Variants in RIN2 observed in about 807,000 individuals in gnomAD.
The protein encoded by RIN2 is Ras and Rab interactor 2.
Under a neutral mutation model 78.0 loss-of-function variants are expected in RIN2, and 36 were observed. The observed-to-expected ratio is 0.46, with a 90% CI of 0.35 to 0.61. The LOEUF is 0.61. RIN2 is among the 20% of genes least tolerant of loss of function. The pLI is 0.00. For synonymous variants in RIN2, 466 were observed against 466.8 expected (o/e 1.00, Z 0.02); for missense variants, 1,087 against 1,159.7 (o/e 0.94, Z 0.91).
chr20:19,983,590 T>G (rs2042528948), intron 9 of RIN2, among the ~76,000 whole-genome samples: 1 of 139,952 alleles, frequency 7.1e-6, no homozygotes, highest in Non-Finnish European at 1.7e-5. Flanking sequence ...CTATTTCTAC[T>G]ACTTTACCTT....
chr20:19,913,317 A>G (rs368271314), intron 3 of RIN2, among the ~76,000 whole-genome samples: 12 of 152,202 alleles, frequency 7.9e-5, no homozygotes, highest in African/African-American at 2.9e-4. Context: ...TAAGCTCACC[A>G]TTTTAAGCAC....
intron 4 of RIN2, among the ~76,000 whole-genome samples, chr20:19,954,058 A>G (rs1444079363): frequency 6.6e-6 from 1 of 152,210 alleles, no homozygotes; most frequent in Non-Finnish European, 1.5e-5. Context: ...GGTGATGGAG[A>G]GAAGTTAGGA....
At chr20:19,815,510 G>A (rs1453731503) in intron 2 of RIN2, among the ~76,000 whole-genome samples, 1 of 152,176 alleles carries the variant, frequency 6.6e-6, no homozygotes, top group African/African-American at 2.4e-5. Context: ...GCCATCAATA[G>A]ATTTCTTAGG....
At position 19,975,029 on chromosome 20, in the gene RIN2, C is replaced by G. The variant is rs200780805; in HGVS notation, c.1004C>G (p.Pro335Arg). Reference sequence around the variant, plus strand: ...AGGACTGAAACCCAGACGAGCATGCCAGAAACAGTCAACCATAACAAACAT... The same window carrying G: ...AGGACTGAAACCCAGACGAGCATGCGAGAAACAGTCAACCATAACAAACAT... Reference protein sequence around the residue: ...LARTETQTSMPETVNHNKHGN... With the variant: ...LARTETQTSMRETVNHNKHGN... The change falls in exon 9 of 13, where the codon CCA becomes CGA. Residue 335 changes from proline (P) to arginine (R), a missense_variant. This residue lies in a region of RIN2 where 706 missense variants were observed against 667.5 expected (regional missense o/e 1.06). Coordinates refer to ENST00000255006, the MANE Select transcript of RIN2 (RefSeq NM_018993.4). This position sits in a 1 kb window ranked among gnomAD's most constrained non-coding sequence, Gnocchi z 4.9. The G allele has an allele frequency of 1.1e-3, 1,838 of 1,613,490 alleles. 3 individuals are homozygous for G. Among genetic ancestry groups the G allele is most frequent in the Admixed American group, 2.6e-3 (158 of 60,026 alleles).
chr20:19,762,676 AGT>A (rs1163377321), intron 1 of RIN2, among the ~76,000 whole-genome samples: 2 of 152,158 alleles, frequency 1.3e-5, no homozygotes, highest in African/African-American at 2.4e-5. Context: ...GTGGAGTTCA[AGT>A]GTGTGTGTGA....
At chr20:19,929,545 A>G (rs1203792584) in intron 3 of RIN2, among the ~76,000 whole-genome samples, 2 of 152,084 alleles carry the variant, frequency 1.3e-5, no homozygotes, top group Non-Finnish European at 2.9e-5. Flanking sequence ...CATTTTTAGT[A>G]GAGATGGGAT....
At chr20:19,928,410 G>T (rs1366029239) in intron 3 of RIN2, among the ~76,000 whole-genome samples, 3 of 152,162 alleles carry the variant, frequency 2.0e-5, no homozygotes, top group Admixed American at 1.3e-4. Flanking sequence ...CAGCTGTCAG[G>T]TCACCAGTCA....
chr20:19,828,643 C>A (rs2036165872), intron 2 of RIN2, among the ~76,000 whole-genome samples: 1 of 152,098 alleles, frequency 6.6e-6, no homozygotes, highest in African/African-American at 2.4e-5. Context: ...ATTTATTTGT[C>A]CTTGACTTAA....
intron 3 of RIN2, among the ~76,000 whole-genome samples, chr20:19,911,300 G>A (rs1158171076): frequency 2.6e-5 from 4 of 152,152 alleles, no homozygotes; most frequent in South Asian, 2.1e-4. Flanking sequence ...TGATCTGTGC[G>A]CCTTGGCCTC....
chr20:19,915,307 C>T (rs1030454174), intron 3 of RIN2, among the ~76,000 whole-genome samples: 5 of 152,106 alleles, frequency 3.3e-5, no homozygotes, highest in Non-Finnish European at 2.9e-5. Flanking sequence ...AGTTGTTCCA[C>T]ATAAGAGCGA....
At chr20:19,799,800 CA>C (rs1488732024) in intron 2 of RIN2, 53 bp downstream of exon 2, 5 of 152,200 alleles carry the variant, frequency 3.3e-5, no homozygotes, top group Non-Finnish European at 7.3e-5. Flanking sequence ...GCGTTTTCTT[CA>C]TTTCCAAGCT....
chr20:19,868,540 A>G (rs756935010), intron 2 of RIN2, among the ~76,000 whole-genome samples: 2 of 152,190 alleles, frequency 1.3e-5, no homozygotes, highest in Non-Finnish European at 2.9e-5. Flanking sequence ...TGAGCAGGGC[A>G]GGTCTTAGGG....
intron 1 of RIN2, among the ~76,000 whole-genome samples, chr20:19,759,502 C>T (rs1250732278): frequency 6.6e-6 from 1 of 152,102 alleles, no homozygotes; most frequent in Non-Finnish European, 1.5e-5. Flanking sequence ...TTAACAAAAC[C>T]AAATTGAATG....
intron 6 of RIN2, among the ~76,000 whole-genome samples, chr20:19,962,014 C>A (rs983320459): frequency 6.6e-6 from 1 of 151,836 alleles, no homozygotes; most frequent in African/African-American, 2.4e-5. Flanking sequence ...TGAAAGTCTG[C>A]GAGAGGCTGG....
intron 2 of RIN2, among the ~76,000 whole-genome samples, chr20:19,815,761 T>C (rs2035748245): frequency 6.6e-6 from 1 of 152,318 alleles, no homozygotes; most frequent in South Asian, 2.1e-4. Flanking sequence ...CAGAGTCCTG[T>C]GGGAAACTGA....
intron 2 of RIN2, among the ~76,000 whole-genome samples, chr20:19,879,369 G>A (rs781085593): frequency 1.3e-5 from 2 of 152,216 alleles, no homozygotes; most frequent in Admixed American, 1.3e-4. Flanking sequence ...GAGTCTGGTT[G>A]TGTGATGGTA....
intron 2 of RIN2, among the ~76,000 whole-genome samples, chr20:19,864,982 C>T (rs1464088323): frequency 6.6e-6 from 1 of 152,148 alleles, no homozygotes; most frequent in African/African-American, 2.4e-5. Context: ...TTCATTTTCT[C>T]TTTTAAGTAT....
At chr20:19,837,049 T>C (rs1451843498) in intron 2 of RIN2, among the ~76,000 whole-genome samples, 1 of 113,260 alleles carries the variant, frequency 8.8e-6, no homozygotes, top group East Asian at 2.0e-4. Flanking sequence ...TTTATCTATA[T>C]AATTTCCATA....
At chr20:19,917,653 T>C (rs986762782) in intron 3 of RIN2, among the ~76,000 whole-genome samples, 5 of 152,192 alleles carry the variant, frequency 3.3e-5, no homozygotes, top group African/African-American at 4.8e-5. Flanking sequence ...TTAAGTGAGC[T>C]CAGAGAACAC....
Sources: gnomAD v4.1 joint callset for allele counts (sites outside exome capture counted in the v4.1 genomes callset) on GRCh38, gnomAD v4.1.1 for gene constraint, gnomAD v4.1.1 regional missense constraint, Gnocchi (gnomAD v3.1) non-coding constraint, MANE v1.5 for transcripts, NCBI Gene and HGNC (gene_info 2026-07-23, HGNC 2026-07-21) for gene names.